Variants in NIBAN2 observed in about 807,000 individuals in gnomAD.
NIBAN2 encodes protein Niban 2.
Under a neutral mutation model 81.8 loss-of-function variants are expected in NIBAN2, and 36 were observed. The observed-to-expected ratio is 0.44, with a 90% CI of 0.34 to 0.58. The LOEUF (loss-of-function observed/expected upper bound fraction) is 0.58. NIBAN2 is among the 20% of genes least tolerant of loss of function. The pLI, the probability that NIBAN2 is intolerant of heterozygous loss-of-function variation, is 0.02. For missense variants in NIBAN2, 897 were observed against 1,014.1 expected, an observed-to-expected ratio of 0.88 and a Z score of 1.57; for synonymous variants, 445 against 441.6, an observed-to-expected ratio of 1.01 and a Z score of -0.10.
At position 127,509,136 on chromosome 9, in the gene NIBAN2, A is replaced by G. The variant is rs1836678610; in HGVS notation, c.1162-5T>C. ...CCGGGACAGCTTCTCCATGTACTGC[A>G]GGGGCCGGGGCCGCGGGGGCTGAGC... On this transcript the variant is annotated splice_polypyrimidine_tract_variant and splice_region_variant and intron_variant, in intron 9 of 13. Coordinates refer to ENST00000373312, the MANE Select transcript of NIBAN2 (RefSeq NM_022833.4). 1 of 1,608,582 alleles carries G rather than the reference A, an allele frequency of 6.2e-7. No individual in the cohort carries two copies. Among genetic ancestry groups the G allele is most frequent in the African/African-American group, 1.3e-5 (1 of 74,878 alleles).
Position 127,525,115 on chromosome 9 carries a change from A to G in NIBAN2, c.364T>C (p.Tyr122His), listed in dbSNP as rs1320381466. 6.2e-7 allele frequency: 1 copy of G among 1,614,190 alleles called. No individual in the cohort carries two copies. ...PPRAVINSAG[Y>H]KILTSVDQYL... The stretch of plus-strand genomic sequence containing the variant: ...TGGTCCACGGACGTGAGGATTTTGT[A>G]GCCTGCACTGTTGATGACGGCTCGT... Residue 122 changes from tyrosine to histidine, a missense_variant, in exon 4 of 14, where the codon TAC becomes CAC. Tyr to His is a moderately conservative substitution (Grantham distance 83). Coordinates refer to ENST00000373312, the MANE Select transcript of NIBAN2 (RefSeq NM_022833.4).
intron 1 of NIBAN2, among the ~76,000 whole-genome samples, chr9:127,557,387 C>T (rs1837690765): frequency 6.6e-6 from 1 of 152,134 alleles, no homozygotes; most frequent in Admixed American, 6.5e-5. Flanking sequence ...GGCAGGAGTT[C>T]ACCCAAGGCC....
intron 1 of NIBAN2, among the ~76,000 whole-genome samples, chr9:127,554,559 T>C (rs2132226188): frequency 6.9e-6 from 1 of 144,856 alleles, no homozygotes; most frequent in African/African-American, 2.6e-5. Context: ...TTTTTTTTTT[T>C]TTTTTTTTTT....
chr9:127,558,506 G>A (rs1246623810), intron 1 of NIBAN2, among the ~76,000 whole-genome samples: 4 of 152,102 alleles, frequency 2.6e-5, no homozygotes, highest in Non-Finnish European at 4.4e-5. Context: ...GGAGCTCATG[G>A]GGTCCTCCAG....
intron 1 of NIBAN2, among the ~76,000 whole-genome samples, chr9:127,565,946 T>TCACACA (rs10682812): frequency 0.2 from 25,882 of 130,350 alleles, 2,867 homozygotes; most frequent in African/African-American, 0.26. Flanking sequence ...TCTCTCTCTC[T>TCACACA]CACACACACA....
At position 127,517,310 on chromosome 9, in the gene NIBAN2, C is replaced by T; in HGVS notation, c.706-94G>A. The stretch of plus-strand genomic sequence containing the variant: ...TCCCACAAGCCAGGCCGCTGCAGCC[C>T]CCACCTCCTCCGCGACTGGCCCATT... On this transcript the variant is annotated intron_variant, in intron 6 of 13. Transcript: ENST00000373312. The surrounding 1 kb of genome is among the most constrained non-coding windows in gnomAD (Gnocchi z 4.0). The T allele has an allele frequency of 9.9e-7, 1 of 1,010,002 alleles. No homozygotes were observed. The highest frequency in any genetic ancestry group is 2.3e-5 in the Admixed American group (1 of 44,380). The allele number at this position is 1,010,002 out of a possible 1,614,324, so 62.6% of individuals were successfully genotyped here. A position where few individuals can be genotyped will look rare whatever the true frequency, so the allele number is the denominator to read the frequency against.
chr9:127,520,985 G>C (rs934205408), intron 5 of NIBAN2, among the ~76,000 whole-genome samples: 10 of 152,208 alleles, frequency 6.6e-5, no homozygotes, highest in Admixed American at 2.6e-4. Flanking sequence ...AGGACTCAGG[G>C]AGAAGGCGGC....
chr9:127,510,263 C>T lies in NIBAN2; in HGVS notation c.1044G>A (p.Glu348=). The change falls in exon 9 of 14, where the codon GAG becomes GAA. Residue 348 remains glutamate (E), a synonymous_variant. Coordinates refer to ENST00000373312, the MANE Select transcript of NIBAN2 (RefSeq NM_022833.4). ...CCTGGCTGGTGGGGACCATCAGGGC[C>T]TCCAGGATGGATGGGATGTAGGGCT... is the stretch of plus-strand genomic sequence containing the variant. ...HVQPYIPSIL[E]ALMVPTSQGF... is the part of the protein sequence containing the mutation. 3.1e-6 allele frequency: 5 copies of T among 1,614,080 alleles called. No homozygotes were observed. Among genetic ancestry groups the T allele is most frequent in the Non-Finnish European group, 4.2e-6 (5 of 1,179,970 alleles).
chr9:127,543,747 G>A (rs1417659057), intron 1 of NIBAN2, among the ~76,000 whole-genome samples: 1 of 152,100 alleles, frequency 6.6e-6, no homozygotes, highest in African/African-American at 2.4e-5. Flanking sequence ...CAATTCCACA[G>A]TTCACAATCT....
Position 127,506,162 on chromosome 9 carries a change from C to T in NIBAN2, c.*683G>A, listed in dbSNP as rs996694997. The stretch of plus-strand genomic sequence containing the variant: ...CTCACTCACTCACTCCCAGCATCCC[C>T]CAGGATGGGGGTCCCCTCCTTCACT... On this transcript the variant is annotated 3_prime_UTR_variant, in exon 14 of 14. Transcript: ENST00000373312. 1 of 152,834 alleles carries T rather than the reference C, an allele frequency of 6.5e-6. No individual in the cohort carries two copies. Among genetic ancestry groups the T allele is most frequent in the African/African-American group, 2.4e-5 (1 of 41,384 alleles). 9.5% of individuals were successfully genotyped at this position (152,834 alleles called of 1,614,324 possible).
At position 127,545,177 on chromosome 9, in the gene NIBAN2, C is replaced by T. The variant is rs1012123114; in HGVS notation, c.56-13399G>A. Among the ~76,000 whole-genome samples, 26 of 152,148 alleles carry T rather than the reference C, an allele frequency of 1.7e-4. No homozygotes were observed. ...CTACAGTGCCCTCCTAGCGTCCACCCCTTGTGCCTGGCCAACTCCTCTTTC... is the reference window on the plus strand; with the variant it reads ...CTACAGTGCCCTCCTAGCGTCCACCTCTTGTGCCTGGCCAACTCCTCTTTC... On this transcript the variant is annotated intron_variant, in intron 1 of 13. Coordinates refer to ENST00000373312, the MANE Select transcript of NIBAN2 (RefSeq NM_022833.4). This position sits in a 1 kb window ranked among gnomAD's most constrained non-coding sequence, Gnocchi z 4.7.
At chr9:127,573,106 GTTCAAACA>G (rs1837967082), upstream of NIBAN2, among the ~76,000 whole-genome samples, 1 of 152,186 alleles carries the variant, frequency 6.6e-6, no homozygotes, top group Non-Finnish European at 1.5e-5. Context: ...AGCAATCCTT[GTTCAAACA>G]CTGGAACAGG....
At chr9:127,569,110 CCCGCTCCGCCCCA>C, upstream of NIBAN2, 1 of 1,007,846 alleles carries the variant, frequency 9.9e-7, no homozygotes, top group South Asian at 4.6e-5. Context: ...ACCCCGGCGC[CCCGCTCCGCCCCA>C]CCAGACCACG....
chr9:127,522,889 C>T (rs536799841), intron 5 of NIBAN2, among the ~76,000 whole-genome samples: 2 of 151,922 alleles, frequency 1.3e-5, no homozygotes, highest in South Asian at 2.1e-4. Context: ...TTGGCTCCAC[C>T]CAGCACCCAG....
rs1028388181 is a variant in NIBAN2, at chr9:127,545,033, T to C, written c.56-13255A>G. Among the ~76,000 whole-genome samples the C allele has an allele frequency of 7.9e-5, 12 of 152,176 alleles. No homozygotes were observed. Among genetic ancestry groups the C allele is most frequent in the African/African-American group, 2.7e-4 (11 of 41,438 alleles). On this transcript the variant is annotated intron_variant, in intron 1 of 13. Transcript: ENST00000373312. The surrounding 1 kb of genome is among the most constrained non-coding windows in gnomAD (Gnocchi z 4.7). ...TGTCCCAGCTCCTCTGAGACCATCT[T>C]GGGGAGAAACAGGTGAATGGGGCTT...
intron 1 of NIBAN2, among the ~76,000 whole-genome samples, chr9:127,550,202 C>T (rs748958022): frequency 6.6e-6 from 1 of 152,194 alleles, no homozygotes; most frequent in Non-Finnish European, 1.5e-5. Context: ...CCTCCCCGTA[C>T]CGTGAAGGGA....
Position 127,510,023 on chromosome 9 carries a change from C to G in NIBAN2, c.1161+123G>C, listed in dbSNP as rs997171243. 6.6e-6 allele frequency: 6 copies of G among 904,002 alleles called. No individual in the cohort carries two copies. The African/African-American group carries it at 1.0e-4, about 15-fold the overall frequency. 56.0% of individuals were successfully genotyped at this position (904,002 alleles called of 1,614,324 possible). ...CTCTGCCCCTAGTCCCCAGCAGCCCCTCCCCGTCTACAGGGACGGCCTTGG... is the reference window on the plus strand; with the variant it reads ...CTCTGCCCCTAGTCCCCAGCAGCCCGTCCCCGTCTACAGGGACGGCCTTGG... On this transcript the variant is annotated intron_variant, in intron 9 of 13. Transcript: ENST00000373312.
intron 8 of NIBAN2, among the ~76,000 whole-genome samples, chr9:127,515,774 T>G (rs1262515989): frequency 6.6e-6 from 1 of 151,894 alleles, no homozygotes; most frequent in African/African-American, 2.4e-5. Context: ...GAGGCAAGGT[T>G]GCAGTGAGCC....
chr9:127,509,033 T>A lies in NIBAN2; in HGVS notation c.1260A>T (p.Arg420=). 1.2e-6 allele frequency: 2 copies of A among 1,613,876 alleles called. No homozygotes were observed. Among genetic ancestry groups the A allele is most frequent in the Non-Finnish European group, 1.7e-6 (2 of 1,179,958 alleles). ...ACACGGACGTGCTGGACACATCAAA[T>A]CGCTGCTGCAGCCCGTCCAGTCGCA... ...ESLRLDGLQQ[R]FDVSSTSVFK... is the part of the protein sequence containing the mutation. Residue 420 remains arginine, a synonymous_variant, in exon 10 of 14, where the codon CGA becomes CGT. Transcript: ENST00000373312.
Sources: gnomAD v4.1 joint callset for allele counts (sites outside exome capture counted in the v4.1 genomes callset) on GRCh38, gnomAD v4.1.1 for gene constraint, Gnocchi (gnomAD v3.1) non-coding constraint, MANE v1.5 for transcripts, NCBI Gene and HGNC (gene_info 2026-07-23, HGNC 2026-07-21) for gene names.